Variants in ZC3H11A observed in about 807,000 individuals in gnomAD.
ZC3H11A encodes the protein zinc finger CCCH-type containing 11A.
A neutral mutation model predicts 90.8 loss-of-function variants in ZC3H11A; 22 were observed. The observed-to-expected ratio is 0.24, with a 90% CI of 0.17 to 0.35. ZC3H11A has a LOEUF of 0.35. Among genes scored for constraint, ZC3H11A ranks in the 10% least tolerant of loss-of-function variants. The pLI, the probability that ZC3H11A is intolerant of heterozygous loss-of-function variation, is 1.00. For synonymous variants in ZC3H11A, 294 were observed against 339.8 expected, an observed-to-expected ratio of 0.87 and a Z score of 1.48; for missense variants, 701 against 964.9, an observed-to-expected ratio of 0.73 and a Z score of 3.62.
In ZC3H11A at chr1:203,798,126, G is replaced by C. The variant is rs1181990498; in HGVS notation, c.-1588+2332G>C. 2.0e-6 allele frequency: 3 copies of C among 1,536,130 alleles called. No homozygotes were observed. The East Asian group carries it at 7.3e-5, about 38-fold the overall frequency. On this transcript the variant is annotated intron_variant, in intron 1 of 17. Coordinates refer to ENST00000367210, the MANE Select transcript of ZC3H11A (RefSeq NM_001376342.1). ...TAGTGGAGAGGAGGACTTTACCTTG[G>C]ATGTGTCTTTATCTCCCTCTTCTGG...
chr1:203,799,948 TC>T, intron 1 of ZC3H11A: 1 of 1,536,118 alleles, frequency 6.5e-7, no homozygotes, highest in South Asian at 1.2e-5. Flanking sequence ...TCACCAGAGA[TC>T]TGCCAAATTC....
chr1:203,819,529 A>ATTTTTTTTTTTTTTTTTTT lies in ZC3H11A; in HGVS notation c.174+844_174+862dup, dbSNP rs755259647. Among the ~76,000 whole-genome samples, 9 of 72,878 alleles carry ATTTTTTTTTTTTTTTTTTT rather than the reference A, an allele frequency of 1.2e-4. No individual in the cohort carries two copies. In the East Asian group the frequency reaches 1.8e-3, roughly 15 times the overall value. The allele number at this position is 72,878 out of a possible 152,430, so 47.8% of individuals were successfully genotyped here. A position where few individuals can be genotyped will look rare whatever the true frequency, so the allele number is the denominator to read the frequency against. On this transcript the variant is annotated intron_variant, in intron 4 of 17. Transcript: ENST00000367210. Reference sequence around the variant, plus strand: ...GAGCCACCGTGCCCAGCTGACTCCAATTTTTTTTTTTTTTTTTTTTTTGAG... The same window carrying ATTTTTTTTTTTTTTTTTTT: ...GAGCCACCGTGCCCAGCTGACTCCAATTTTTTTTTTTTTTTTTTTTTTTTTTTTTTTTTTTTTTTTTGAG...
intron 17 of ZC3H11A, among the ~76,000 whole-genome samples, chr1:203,851,611 T>C (rs1250257793): frequency 6.6e-6 from 1 of 152,170 alleles, no homozygotes; most frequent in East Asian, 1.9e-4. Flanking sequence ...ATTACAGGCA[T>C]GAGCTACCAT....
Position 203,828,390 on chromosome 1 carries a change from A to G in ZC3H11A, c.266A>G (p.Tyr89Cys). 6.2e-7 allele frequency: 1 copy of G among 1,613,856 alleles called. No individual in the cohort carries two copies. The highest frequency in any genetic ancestry group is 8.5e-7 in the Non-Finnish European group (1 of 1,179,864). ...GCTTTCCATCACAATAGAGGACGAT[A>G]TGTTGATGGCCTTTTCCTACCTCCG... ...NCAFHHNRGR[Y>C]VDGLFLPPSK... is the part of the protein sequence containing the mutation. The change falls in exon 5 of 18, where the codon TAT becomes TGT. Residue 89 changes from tyrosine (Y) to cysteine (C), a missense_variant. Tyr to Cys is a radical substitution (Grantham distance 194). Around this residue, in one of 4 missense-constraint regions of ZC3H11A, gnomAD observed 59 missense variants for 132.8 expected, o/e 0.44. Transcript: ENST00000367210.
chr1:203,809,641 C>T (rs1360042640), intron 2 of ZC3H11A, among the ~76,000 whole-genome samples: 7 of 151,844 alleles, frequency 4.6e-5, no homozygotes, highest in African/African-American at 1.5e-4. Flanking sequence ...TATTTTCAAA[C>T]GGTTATTTTC....
chr1:203,807,815 C>G (rs1386046553), intron 2 of ZC3H11A, among the ~76,000 whole-genome samples: 1 of 152,132 alleles, frequency 6.6e-6, no homozygotes, highest in Non-Finnish European at 1.5e-5. Context: ...AGTCACGGCT[C>G]ACTGCAGCCT....
At chr1:203,806,078 C>A in intron 2 of ZC3H11A, 1 of 508,396 alleles carries the variant, frequency 2.0e-6, no homozygotes. Flanking sequence ...ACTCGCAAGG[C>A]TTTCTGCGTA....
intron 12 of ZC3H11A, among the ~76,000 whole-genome samples, chr1:203,842,394 G>A (rs1320544788): frequency 6.6e-6 from 1 of 152,192 alleles, no homozygotes; most frequent in Non-Finnish European, 1.5e-5. Context: ...GTCAGGAGCT[G>A]GAGACCAGCC....
At chr1:203,838,968 A>AAAAAAG (rs1365572708) in intron 11 of ZC3H11A, among the ~76,000 whole-genome samples, 1 of 151,738 alleles carries the variant, frequency 6.6e-6, no homozygotes, top group Non-Finnish European at 1.5e-5. Context: ...AAAAAAAAAA[A>AAAAAAG]AAAAAAAGAA....
chr1:203,801,180 G>A (rs1670453635), intron 1 of ZC3H11A: 1 of 152,138 alleles, frequency 6.6e-6, no homozygotes, highest in Non-Finnish European at 1.5e-5. Flanking sequence ...AGACTAAAAT[G>A]TTTGCAAGAA....
At chr1:203,824,276 A>T (rs906764352) in intron 4 of ZC3H11A, among the ~76,000 whole-genome samples, 7 of 112,962 alleles carry the variant, frequency 6.2e-5, no homozygotes, top group African/African-American at 2.0e-4. Context: ...CTCAAAATTA[A>T]AAAAAAAAAA....
At chr1:203,799,745 G>A (rs1366063114) in intron 1 of ZC3H11A, 7 of 810,328 alleles carry the variant, frequency 8.6e-6, no homozygotes, top group Admixed American at 8.0e-5. Context: ...CCCTCAATCT[G>A]GTGGATAGTT....
rs1682066696 is a variant in ZC3H11A, at chr1:203,830,925, A to ATTTTAT, written c.700+726_700+727insATTTTT. 5.8e-5 allele frequency among the ~76,000 whole-genome samples: 3 copies of ATTTTAT among 51,352 alleles called. 1 individual carries two copies. Among genetic ancestry groups the ATTTTAT allele is most frequent in the African/African-American group, 2.1e-4 (3 of 14,060 alleles). The allele number at this position is 51,352 out of a possible 152,430, so 33.7% of individuals were successfully genotyped here. On this transcript the variant is annotated intron_variant, in intron 8 of 17. Transcript: ENST00000367210. ...GATTGCTCTGTATTTCCAACCCCCA[A>ATTTTAT]TTTTTTTTTTTTTTTTTTTTTTTTT...
At chr1:203,849,661 G>A (rs1446717059) in intron 14 of ZC3H11A, 50 bp from the exon 15 acceptor site, 1 of 1,563,436 alleles carries the variant, frequency 6.4e-7, no homozygotes, top group Non-Finnish European at 8.8e-7. Flanking sequence ...ACATCATACA[G>A]GTTATTAGAG....
chr1:203,807,786 G>T (rs1332720095), intron 2 of ZC3H11A, among the ~76,000 whole-genome samples: 4 of 151,898 alleles, frequency 2.6e-5, no homozygotes, highest in African/African-American at 9.7e-5. Flanking sequence ...CTGTTGCGCA[G>T]ACCAGAGTGC....
intron 10 of ZC3H11A, among the ~76,000 whole-genome samples, chr1:203,836,809 G>A (rs1366791967): frequency 6.6e-6 from 1 of 152,054 alleles, no homozygotes; most frequent in East Asian, 1.9e-4. Flanking sequence ...CTTGATTTAG[G>A]TCTTGGCTGT....
intron 16 of ZC3H11A, 136 bp from the exon 17 acceptor site, chr1:203,850,921 C>T (rs2103462516): frequency 1.6e-6 from 2 of 1,239,984 alleles, no homozygotes; most frequent in South Asian, 2.8e-5. Context: ...TATACTCAAC[C>T]TTTAGATTAT....
rs1682487000 is a variant in ZC3H11A, at chr1:203,831,837, C to T, written c.811+66C>T. 9 of 1,289,126 alleles carry T rather than the reference C, an allele frequency of 7.0e-6. No individual in the cohort carries two copies. The South Asian group carries it at 1.1e-4, about 16-fold the overall frequency. 79.9% of individuals were successfully genotyped at this position (1,289,126 alleles called of 1,614,324 possible). ...TTTATATAATTGGGAATGCAAAATC[C>T]TTGGGTATCTTTTACCTTTGATGAA... is the stretch of plus-strand genomic sequence containing the variant. On this transcript the variant is annotated intron_variant, in intron 9 of 17. Transcript: ENST00000367210.
At chr1:203,812,540 T>C (rs1485003382) in intron 2 of ZC3H11A, among the ~76,000 whole-genome samples, 2 of 152,092 alleles carry the variant, frequency 1.3e-5, no homozygotes, top group Admixed American at 6.6e-5. Context: ...CTCACCAGCA[T>C]TTAGTGCTTT....
Sources: allele counts gnomAD v4.1 joint callset (sites outside exome capture counted in the v4.1 genomes callset), GRCh38; gene constraint gnomAD v4.1.1; regional missense constraint gnomAD v4.1.1; transcripts MANE v1.5; gene names NCBI Gene and HGNC (gene_info 2026-07-23, HGNC 2026-07-21).